Variants in SPRYD4 observed in about 807,000 individuals in gnomAD.
The protein encoded by SPRYD4 is SPRY domain containing 4, also known as SPRY domain-containing protein 4.
In SPRYD4, 12 loss-of-function variants were observed where a neutral mutation model predicts 16.6. That is an observed-to-expected ratio of 0.72 (90% confidence interval 0.46 to 1.17). SPRYD4 has a LOEUF of 1.17. SPRYD4 is among the 50% of genes most tolerant of loss of function. The probability of loss-of-function intolerance (pLI) is 0.00; values close to 1 mark genes in which losing one functional copy is unlikely to be tolerated. For synonymous variants in SPRYD4, 98 were observed against 105.4 expected, an observed-to-expected ratio of 0.93 and a Z score of 0.43; for missense variants, 260 against 260.2, an observed-to-expected ratio of 1.00 and a Z score of 0.00.
chr12:56,475,084 TC>T lies in SPRYD4; in HGVS notation c.*5511del, dbSNP rs1423047558. On this transcript the variant is annotated 3_prime_UTR_variant, in exon 2 of 2. Transcript: ENST00000338146. ...ATAATAGCCGATGGCATAATTCCGA[TC>T]CCCTGTTTCCTTCTCTGACTGGAAT... is the stretch of plus-strand genomic sequence containing the variant. The T allele has an allele frequency of 6.2e-7, 1 of 1,614,096 alleles. No homozygotes were observed. The highest frequency in any genetic ancestry group is 8.5e-7 in the Non-Finnish European group (1 of 1,180,032).
chr12:56,478,162 T>G lies in SPRYD4; in HGVS notation c.*8585T>G. 1.2e-6 allele frequency: 2 copies of G among 1,614,168 alleles called. No homozygotes were observed. The highest frequency in any genetic ancestry group is 1.7e-6 in the Non-Finnish European group (2 of 1,180,022). ...TCGGCACCTGTGCCCTGCCTCCCCT[T>G]CCTCTTGCCCAGCATCTCACCGTTG... On this transcript the variant is annotated 3_prime_UTR_variant, in exon 2 of 2. Transcript: ENST00000338146.
Position 56,478,213 on chromosome 12 carries a change from C to A in SPRYD4, c.*8636C>A, listed in dbSNP as rs984945960. 6.2e-7 allele frequency: 1 copy of A among 1,614,218 alleles called. No homozygotes were observed. The highest frequency in any genetic ancestry group is 8.5e-7 in the Non-Finnish European group (1 of 1,180,044). The stretch of plus-strand genomic sequence containing the variant: ...ACCATCCACAGTGCACAGGGAGACA[C>A]CCCACAGGTCTGGGTTTGACTTGGC... On this transcript the variant is annotated 3_prime_UTR_variant, in exon 2 of 2. Coordinates refer to ENST00000338146, the MANE Select transcript of SPRYD4 (RefSeq NM_207344.4).
At position 56,473,708 on chromosome 12, in the gene SPRYD4, C is replaced by T. The variant is rs539281882; in HGVS notation, c.*4131C>T. The T allele has an allele frequency of 7.5e-7, 1 of 1,333,670 alleles. No individual in the cohort carries two copies. Among genetic ancestry groups the T allele is most frequent in the Non-Finnish European group, 1.0e-6 (1 of 999,950 alleles). The allele number at this position is 1,333,670 out of a possible 1,614,324, so 82.6% of individuals were successfully genotyped here. A position where few individuals can be genotyped will look rare whatever the true frequency, so the allele number is the denominator to read the frequency against. ...AAATGACTGCATGACCACAATCCAC[C>T]TCAACCTTTTGGCTTGTTAATTAGC... On this transcript the variant is annotated 3_prime_UTR_variant, in exon 2 of 2. Coordinates refer to ENST00000338146, the MANE Select transcript of SPRYD4 (RefSeq NM_207344.4).
Position 56,473,321 on chromosome 12 carries a change from C to A in SPRYD4, c.*3744C>A, listed in dbSNP as rs1212443891. ...GGAAATTGAAGAGAGACACCAACTT[C>A]TAGAATTGTAAGCCAAATATATTGT... On this transcript the variant is annotated 3_prime_UTR_variant, in exon 2 of 2. Coordinates refer to ENST00000338146, the MANE Select transcript of SPRYD4 (RefSeq NM_207344.4). The A allele has an allele frequency of 6.2e-7, 1 of 1,613,992 alleles. No homozygotes were observed. The highest frequency in any genetic ancestry group is 1.7e-5 in the Admixed American group (1 of 59,986).
Position 56,469,065 on chromosome 12 carries a change from AC to A in SPRYD4, c.114del (p.Ala39ProfsTer28). ...RGVSFKLEEK[T>X]AHSSLALFRD... ...CGTCAGTTTCAAACTGGAAGAAAAA[AC>A]CGCCCACAGCAGCCTGGCACTCTTC... On this transcript the variant is annotated frameshift_variant, in exon 2 of 2. Coordinates refer to ENST00000338146, the MANE Select transcript of SPRYD4 (RefSeq NM_207344.4). LOFTEE classifies it high-confidence loss of function. The A allele has an allele frequency of 8.3e-6, 13 of 1,571,276 alleles. No individual in the cohort carries two copies. The highest frequency in any genetic ancestry group is 1.4e-5 in the African/African-American group (1 of 72,884).
rs1449582297 is a variant in SPRYD4 at position 56,472,663 on chromosome 12, G to A, written c.*3086G>A. The A allele has an allele frequency of 1.2e-6, 2 of 1,601,044 alleles. No individual in the cohort carries two copies. The highest frequency in any genetic ancestry group is 1.7e-6 in the Non-Finnish European group (2 of 1,168,440). ...AATCTCTGACCAGGAGTATTTTATTGTGTATATTTGGTCACAGTAGCATTA... is the reference window on the plus strand; with the variant it reads ...AATCTCTGACCAGGAGTATTTTATTATGTATATTTGGTCACAGTAGCATTA... On this transcript the variant is annotated 3_prime_UTR_variant, in exon 2 of 2. Coordinates refer to ENST00000338146, the MANE Select transcript of SPRYD4 (RefSeq NM_207344.4).
In SPRYD4 at chr12:56,473,808, C is replaced by G. The variant is rs1207398862; in HGVS notation, c.*4231C>G. ...TAGAAAATATTTTTTGAAATACTTA[C>G]AGCATTCTGTGCTAGATGCTGTGCT... On this transcript the variant is annotated 3_prime_UTR_variant, in exon 2 of 2. Transcript: ENST00000338146. 4 of 571,780 alleles carry G rather than the reference C, an allele frequency of 7.0e-6. No homozygotes were observed. The highest frequency in any genetic ancestry group is 1.2e-5 in the Non-Finnish European group (4 of 344,734). 35.4% of individuals were successfully genotyped at this position (571,780 alleles called of 1,614,324 possible). A position where few individuals can be genotyped will look rare whatever the true frequency, so the allele number is the denominator to read the frequency against.
In SPRYD4 at chr12:56,469,606, G is replaced by T; in HGVS notation, c.*29G>T. 6.3e-7 allele frequency: 1 copy of T among 1,580,348 alleles called. No individual in the cohort carries two copies. Among genetic ancestry groups the T allele is most frequent in the Non-Finnish European group, 8.6e-7 (1 of 1,162,146 alleles). ...GTCCATTACTGGAGTCCCTAATCAC[G>T]CCTTTGGCCAGCCTCCTTTTGAAAG... is the stretch of plus-strand genomic sequence containing the variant. On this transcript the variant is annotated 3_prime_UTR_variant, in exon 2 of 2. Coordinates refer to ENST00000338146, the MANE Select transcript of SPRYD4 (RefSeq NM_207344.4).
chr12:56,476,771 T>A lies in SPRYD4; in HGVS notation c.*7194T>A, dbSNP rs1457943312. Reference sequence around the variant, plus strand: ...CACCAAGCCTGGCTAATTTTTTGTATTTTTAGTAGAGACGGGGTTTCACCG... The same window carrying A: ...CACCAAGCCTGGCTAATTTTTTGTAATTTTAGTAGAGACGGGGTTTCACCG... On this transcript the variant is annotated 3_prime_UTR_variant, in exon 2 of 2. Coordinates refer to ENST00000338146, the MANE Select transcript of SPRYD4 (RefSeq NM_207344.4). The A allele has an allele frequency of 6.6e-6, 1 of 152,106 alleles. No homozygotes were observed. Among genetic ancestry groups the A allele is most frequent in the Non-Finnish European group, 1.5e-5 (1 of 68,068 alleles). 9.4% of individuals were successfully genotyped at this position (152,106 alleles called of 1,614,324 possible).
Position 56,477,584 on chromosome 12 carries a change from C to G in SPRYD4, c.*8007C>G. 1 of 1,444,446 alleles carries G rather than the reference C, an allele frequency of 6.9e-7. No individual in the cohort carries two copies. The highest frequency in any genetic ancestry group is 9.5e-7 in the Non-Finnish European group (1 of 1,048,124). The allele number at this position is 1,444,446 out of a possible 1,614,324, so 89.5% of individuals were successfully genotyped here. A position where few individuals can be genotyped will look rare whatever the true frequency, so the allele number is the denominator to read the frequency against. ...GAGCCCCACCAGTCTCCCTGGAGAG[C>G]TGAACAAATATGAGGGATACAGGAA... On this transcript the variant is annotated 3_prime_UTR_variant, in exon 2 of 2. Transcript: ENST00000338146.
chr12:56,478,080 T>C lies in SPRYD4; in HGVS notation c.*8503T>C. ...GACTGCAGGCAGAAGGGGATCTTTG[T>C]GTGGCCCACAGAGTGCCTGGAGGCA... On this transcript the variant is annotated 3_prime_UTR_variant, in exon 2 of 2. Coordinates refer to ENST00000338146, the MANE Select transcript of SPRYD4 (RefSeq NM_207344.4). The C allele has an allele frequency of 6.2e-7, 1 of 1,614,086 alleles. No homozygotes were observed. The highest frequency in any genetic ancestry group is 8.5e-7 in the Non-Finnish European group (1 of 1,179,958).
At position 56,476,000 on chromosome 12, in the gene SPRYD4, C is replaced by A; in HGVS notation, c.*6423C>A. ...CATCTGCAGAGAAAGAGAGAGATGT[C>A]AGCATTCTAAGTGTAGGAGGATGAC... is the stretch of plus-strand genomic sequence containing the variant. On this transcript the variant is annotated 3_prime_UTR_variant, in exon 2 of 2. Coordinates refer to ENST00000338146, the MANE Select transcript of SPRYD4 (RefSeq NM_207344.4). The A allele has an allele frequency of 6.2e-7, 1 of 1,610,862 alleles. No homozygotes were observed. The highest frequency in any genetic ancestry group is 1.1e-5 in the South Asian group (1 of 91,006).
rs1869148216 is a variant in SPRYD4, at chr12:56,469,541, G to A, written c.588G>A (p.Leu196=). Reference sequence around the variant, plus strand: ...TTGCTCTCTGGGATGGGGAGCTGCTGACCCATTCAGGGCTTGAGGTGCCCG... The same window carrying A: ...TTGCTCTCTGGGATGGGGAGCTGCTAACCCATTCAGGGCTTGAGGTGCCCG... ...PAFALWDGEL[L]THSGLEVPEG... is the part of the protein sequence containing the mutation. The change falls in exon 2 of 2, where the codon CTG becomes CTA. Residue 196 remains leucine, a synonymous_variant. Transcript: ENST00000338146. 1 of 1,613,916 alleles carries A rather than the reference G, an allele frequency of 6.2e-7. No homozygotes were observed. Among genetic ancestry groups the A allele is most frequent in the East Asian group, 2.2e-5 (1 of 44,896 alleles).
rs1412517478 is a variant in SPRYD4 at position 56,473,212 on chromosome 12, C to G, written c.*3635C>G. 1 of 1,612,048 alleles carries G rather than the reference C, an allele frequency of 6.2e-7. No homozygotes were observed. Among genetic ancestry groups the G allele is most frequent in the Admixed American group, 1.7e-5 (1 of 59,982 alleles). On this transcript the variant is annotated 3_prime_UTR_variant, in exon 2 of 2. Transcript: ENST00000338146. ...CCTTTGAAATATTCTTACAAGCCAC[C>G]TGGAGTTTTCCTTACCCGAATTTCT... is the stretch of plus-strand genomic sequence containing the variant.
rs1254195167 is a variant in SPRYD4, at chr12:56,470,159, C to CA, written c.*583dup. The CA allele has an allele frequency of 3.2e-5, 5 of 157,014 alleles. No individual in the cohort carries two copies. The highest frequency in any genetic ancestry group is 2.4e-4 in the Admixed American group (4 of 16,388). The allele number at this position is 157,014 out of a possible 1,614,324, so 9.7% of individuals were successfully genotyped here. Reference sequence around the variant, plus strand: ...CTCCTTCCCCAGTAGCTCAGTGCCACAGACCTTCAGCCCCACACAGCTGTA... The same window carrying CA: ...CTCCTTCCCCAGTAGCTCAGTGCCACAAGACCTTCAGCCCCACACAGCTGTA... On this transcript the variant is annotated 3_prime_UTR_variant, in exon 2 of 2. Coordinates refer to ENST00000338146, the MANE Select transcript of SPRYD4 (RefSeq NM_207344.4).
In SPRYD4 at chr12:56,471,423, T is replaced by G; in HGVS notation, c.*1846T>G. 6.6e-7 allele frequency: 1 copy of G among 1,514,864 alleles called. No individual in the cohort carries two copies. Among genetic ancestry groups the G allele is most frequent in the Non-Finnish European group, 8.9e-7 (1 of 1,123,632 alleles). 93.8% of individuals were successfully genotyped at this position (1,514,864 alleles called of 1,614,324 possible). ...TAGCTCTCCATAGTATTTTTGGTGG[T>G]TATGGATTACATGTGTGGCCAGCTC... On this transcript the variant is annotated 3_prime_UTR_variant, in exon 2 of 2. Transcript: ENST00000338146.
rs1351373561 is a variant in SPRYD4 at position 56,473,341 on chromosome 12, T to A, written c.*3764T>A. On this transcript the variant is annotated 3_prime_UTR_variant, in exon 2 of 2. Coordinates refer to ENST00000338146, the MANE Select transcript of SPRYD4 (RefSeq NM_207344.4). ...AACTTCTAGAATTGTAAGCCAAATA[T>A]ATTGTTTATTTACTCCTTACACTTA... 6.2e-7 allele frequency: 1 copy of A among 1,613,466 alleles called. No homozygotes were observed.
At position 56,476,543 on chromosome 12, in the gene SPRYD4, C is replaced by G. The variant is rs978187732; in HGVS notation, c.*6966C>G. 2.6e-5 allele frequency: 4 copies of G among 154,040 alleles called. No individual in the cohort carries two copies. Among genetic ancestry groups the G allele is most frequent in the African/African-American group, 9.7e-5 (4 of 41,268 alleles). 9.5% of individuals were successfully genotyped at this position (154,040 alleles called of 1,614,324 possible). A position where few individuals can be genotyped will look rare whatever the true frequency, so the allele number is the denominator to read the frequency against. ...CTGAGGCAGGAGGATCGCTTGAGAC[C>G]AGGGGTTTGAGACCAGCCTAGGCAA... On this transcript the variant is annotated 3_prime_UTR_variant, in exon 2 of 2. Transcript: ENST00000338146.
Position 56,469,830 on chromosome 12 carries a change from T to A in SPRYD4, c.*253T>A. On this transcript the variant is annotated 3_prime_UTR_variant, in exon 2 of 2. Transcript: ENST00000338146. ...CATGGGTGTATCTTCCTTGACCTGC[T>A]TCCTTCAGTCCCTCTGCCTCCCTTT... 5.8e-6 allele frequency: 3 copies of A among 512,886 alleles called. 1 individual carries two copies. The South Asian group carries it at 7.6e-5, about 13-fold the overall frequency. The allele number at this position is 512,886 out of a possible 1,614,324, so 31.8% of individuals were successfully genotyped here. A position where few individuals can be genotyped will look rare whatever the true frequency, so the allele number is the denominator to read the frequency against.
Sources: allele counts gnomAD v4.1 joint callset, GRCh38; gene constraint gnomAD v4.1.1; transcripts MANE v1.5; gene names NCBI Gene and HGNC (gene_info 2026-07-23, HGNC 2026-07-21).